The following ASAP1 variants were observed in gnomAD, a reference collection of about 807,000 sequenced individuals.
ASAP1 encodes the protein arf-GAP with SH3 domain, ANK repeat and PH domain-containing protein 1.
Under a neutral mutation model 145.2 loss-of-function variants are expected in ASAP1, and 43 were observed. That is an observed-to-expected ratio of 0.30 (90% CI 0.23 to 0.38). The LOEUF is 0.38. Among genes scored for constraint, ASAP1 ranks in the 10% least tolerant of loss-of-function variants. The pLI is 1.00. For missense variants in ASAP1, 1,018 were observed against 1,355.3 expected (o/e 0.75, Z 3.91); for synonymous variants, 546 against 515.5 (o/e 1.06, Z -0.80).
intron 26 of ASAP1, among the ~76,000 whole-genome samples, chr8:130,079,580 A>G (rs2097473863): frequency 6.6e-6 from 1 of 152,166 alleles, no homozygotes; most frequent in Non-Finnish European, 1.5e-5. Context: ...TAAAATATCA[A>G]AAATAAAAAC....
intron 27 of ASAP1, among the ~76,000 whole-genome samples, chr8:130,073,305 G>A (rs752825720): frequency 3.3e-5 from 5 of 151,512 alleles, no homozygotes; most frequent in Non-Finnish European, 5.9e-5. Context: ...CAGGAGAATC[G>A]CTTGAACCTG....
At chr8:130,360,284 G>A (rs1294958763) in intron 2 of ASAP1, among the ~76,000 whole-genome samples, 1 of 152,242 alleles carries the variant, frequency 6.6e-6, no homozygotes, top group Non-Finnish European at 1.5e-5. Context: ...AGAATGACAA[G>A]AGTAAGTCAC....
intron 27 of ASAP1, among the ~76,000 whole-genome samples, chr8:130,073,817 G>A (rs959324152): frequency 2.6e-4 from 39 of 152,156 alleles, no homozygotes; most frequent in Admixed American, 2.4e-3. Flanking sequence ...TGTACACCTC[G>A]TGATAGAACA....
chr8:130,096,736 A>G (rs1327564081), intron 24 of ASAP1, among the ~76,000 whole-genome samples: 3 of 152,192 alleles, frequency 2.0e-5, no homozygotes, highest in African/African-American at 7.2e-5. Context: ...ACGAGAAAGC[A>G]TTCCCTGCCC....
chr8:130,403,301 T>TTAAAA (rs60441663), intron 1 of ASAP1, among the ~76,000 whole-genome samples: 325 of 151,094 alleles, frequency 2.2e-3, no homozygotes, highest in Non-Finnish European at 3.7e-3. Flanking sequence ...TGTTTTTTTT[T>TTAAAA]AAAAAACCCA....
intron 3 of ASAP1, among the ~76,000 whole-genome samples, chr8:130,305,854 C>G (rs1822962038): frequency 6.6e-6 from 1 of 152,304 alleles, no homozygotes; most frequent in African/African-American, 2.4e-5. Flanking sequence ...GGCACCCCCT[C>G]AAGGCTCTAA....
At chr8:130,196,167 C>A (rs935319495) in intron 5 of ASAP1, among the ~76,000 whole-genome samples, 3 of 152,234 alleles carry the variant, frequency 2.0e-5, no homozygotes, top group African/African-American at 7.2e-5. Flanking sequence ...TGTGGTGAAA[C>A]CCCATCTCTA....
chr8:130,146,199 A>T (rs2097629778), intron 13 of ASAP1, among the ~76,000 whole-genome samples: 2 of 152,072 alleles, frequency 1.3e-5, no homozygotes, highest in South Asian at 2.1e-4. Flanking sequence ...AGGAGGTAAC[A>T]TCACAGCTGA....
intron 3 of ASAP1, among the ~76,000 whole-genome samples, chr8:130,287,858 T>C (rs1470062305): frequency 6.6e-6 from 1 of 152,202 alleles, no homozygotes; most frequent in Non-Finnish European, 1.5e-5. Flanking sequence ...GTCTAGCATA[T>C]AGCAGAGACC....
At chr8:130,179,544 A>G (rs1195992339) in intron 8 of ASAP1, among the ~76,000 whole-genome samples, 195 bp from the exon 9 acceptor site, 3 of 152,176 alleles carry the variant, frequency 2.0e-5, no homozygotes, top group Non-Finnish European at 2.9e-5. Context: ...AGCATTTTAT[A>G]AATTATTTTA....
chr8:130,230,362 G>A (rs2136602336), intron 4 of ASAP1, among the ~76,000 whole-genome samples: 1 of 152,212 alleles, frequency 6.6e-6, no homozygotes, highest in Non-Finnish European at 1.5e-5. Flanking sequence ...TCCAAAAATT[G>A]AAACTTCCTA....
chr8:130,265,837 T>C lies in ASAP1; in HGVS notation c.187-28843A>G, dbSNP rs577388018. Among the ~76,000 whole-genome samples, 10 of 152,288 alleles carry C rather than the reference T, an allele frequency of 6.6e-5. No homozygotes were observed. In the South Asian group the frequency reaches 8.3e-4, roughly 13 times the overall value. On this transcript the variant is annotated intron_variant, in intron 3 of 29. Coordinates refer to ENST00000518721, the MANE Select transcript of ASAP1 (RefSeq NM_018482.4). The stretch of plus-strand genomic sequence containing the variant: ...GGCTGAAGAGCCAAGACTGCGCCAC[T>C]GTACTCAAGTCTCAAGCCTGGGCGA...
chr8:130,061,821 A>G (rs1487501089), intron 27 of ASAP1, among the ~76,000 whole-genome samples: 1 of 152,250 alleles, frequency 6.6e-6, no homozygotes, highest in Non-Finnish European at 1.5e-5. Flanking sequence ...ATGGCTGCAC[A>G]GTATGCACAG....
chr8:130,148,294 A>G (rs2097637691), intron 13 of ASAP1, among the ~76,000 whole-genome samples: 1 of 152,220 alleles, frequency 6.6e-6, no homozygotes, highest in African/African-American at 2.4e-5. Context: ...CTATTTACAA[A>G]CTTCATGACC....
At chr8:130,299,448 C>T (rs1003465472) in intron 3 of ASAP1, among the ~76,000 whole-genome samples, 7 of 152,208 alleles carry the variant, frequency 4.6e-5, no homozygotes, top group Admixed American at 1.3e-4. Flanking sequence ...TGTCTACTGC[C>T]GTCTTGGTTG....
chr8:130,062,077 T>C (rs2097420731), intron 27 of ASAP1, among the ~76,000 whole-genome samples: 1 of 152,242 alleles, frequency 6.6e-6, no homozygotes, highest in South Asian at 2.1e-4. Context: ...CCTGGCAGGC[T>C]GTAAGCATTA....
chr8:130,114,345 T>G (rs2135602201), intron 23 of ASAP1, among the ~76,000 whole-genome samples: 1 of 152,278 alleles, frequency 6.6e-6, no homozygotes, highest in South Asian at 2.1e-4. Flanking sequence ...TGTAAACAAC[T>G]GTAACACAAT....
At chr8:130,294,477 G>C (rs1181907451) in intron 3 of ASAP1, among the ~76,000 whole-genome samples, 1 of 152,184 alleles carries the variant, frequency 6.6e-6, no homozygotes, top group Non-Finnish European at 1.5e-5. Context: ...ATCCCAGATC[G>C]ACTACATGTC....
At chr8:130,418,365 T>C (rs1198112783) in intron 1 of ASAP1, among the ~76,000 whole-genome samples, 3 of 152,186 alleles carry the variant, frequency 2.0e-5, no homozygotes, top group African/African-American at 7.2e-5. Context: ...CTGACCAACA[T>C]GGTGAAACCT....
Sources: gnomAD v4.1 joint callset for allele counts (sites outside exome capture counted in the v4.1 genomes callset) on GRCh38, gnomAD v4.1.1 for gene constraint, MANE v1.5 for transcripts, NCBI Gene and HGNC (gene_info 2026-07-23, HGNC 2026-07-21) for gene names.